Variants in IMMP2L observed in about 807,000 individuals in gnomAD.
IMMP2L encodes the protein mitochondrial inner membrane protease subunit 2.
In IMMP2L, 18 loss-of-function variants were observed where a neutral mutation model predicts 19.3. The observed-to-expected ratio is 0.93, with a 90% CI of 0.64 to 1.38. The LOEUF (loss-of-function observed/expected upper bound fraction) is 1.38. Among genes scored for constraint, IMMP2L ranks in the 40% most tolerant of loss-of-function variants. IMMP2L has a pLI of 0.00. For synonymous variants in IMMP2L, 76 were observed against 73.0 expected (o/e 1.04, Z -0.21); for missense variants, 233 against 218.2 (o/e 1.07, Z -0.43).
chr7:110,892,153 C>G (rs1237101604), intron 4 of IMMP2L, among the ~76,000 whole-genome samples: 1 of 152,104 alleles, frequency 6.6e-6, no homozygotes, highest in African/African-American at 2.4e-5. Flanking sequence ...CTGACGTTCC[C>G]TTATCTCCCT....
At chr7:111,053,152 A>G (rs1793154679) in intron 3 of IMMP2L, among the ~76,000 whole-genome samples, 1 of 152,244 alleles carries the variant, frequency 6.6e-6, no homozygotes, top group South Asian at 2.1e-4. Context: ...AAAAGGAAGG[A>G]AAGTACACTT....
intron 3 of IMMP2L, among the ~76,000 whole-genome samples, chr7:111,333,176 A>C (rs945997881): frequency 1.3e-5 from 2 of 152,166 alleles, no homozygotes; most frequent in African/African-American, 4.8e-5. Flanking sequence ...GGTAGTCATC[A>C]ATACCAGCAC....
At chr7:110,815,974 G>T (rs1316532604) in intron 5 of IMMP2L, among the ~76,000 whole-genome samples, 2 of 151,952 alleles carry the variant, frequency 1.3e-5, no homozygotes. Flanking sequence ...CTTCAGTTCT[G>T]CTCTGATCTT....
At chr7:111,300,293 C>T (rs908562362) in intron 3 of IMMP2L, among the ~76,000 whole-genome samples, 6 of 152,252 alleles carry the variant, frequency 3.9e-5, no homozygotes, top group South Asian at 2.1e-4. Context: ...AGTACAGACA[C>T]GGACCCCACC....
intron 5 of IMMP2L, among the ~76,000 whole-genome samples, chr7:110,883,126 T>A (rs149399374): frequency 9.2e-5 from 14 of 152,348 alleles, no homozygotes; most frequent in African/African-American, 3.4e-4. Flanking sequence ...TCTATGGAAT[T>A]TTAATATTCA....
At chr7:111,346,936 A>C (rs2130844455) in intron 3 of IMMP2L, among the ~76,000 whole-genome samples, 1 of 152,162 alleles carries the variant, frequency 6.6e-6, no homozygotes. Context: ...CCTAACTCAT[A>C]GAGATGCTGG....
At chr7:111,096,221 A>G (rs916327514) in intron 3 of IMMP2L, among the ~76,000 whole-genome samples, 1 of 151,904 alleles carries the variant, frequency 6.6e-6, no homozygotes, top group Non-Finnish European at 1.5e-5. Flanking sequence ...CATCTTTAAG[A>G]CAGGAGAATG....
chr7:111,455,558 A>T (rs1839608432), intron 3 of IMMP2L, among the ~76,000 whole-genome samples: 1 of 151,336 alleles, frequency 6.6e-6, no homozygotes, highest in Non-Finnish European at 1.5e-5. Flanking sequence ...ATATGAATGA[A>T]TCCAAAGCAC....
intron 3 of IMMP2L, among the ~76,000 whole-genome samples, chr7:111,053,641 AG>A (rs1383286602): frequency 2.0e-5 from 3 of 152,174 alleles, no homozygotes; most frequent in African/African-American, 4.8e-5. Flanking sequence ...GTGGGGGCTG[AG>A]GGAAGAGTCC....
At chr7:111,443,104 T>A (rs117749433) in intron 3 of IMMP2L, among the ~76,000 whole-genome samples, 1 of 151,928 alleles carries the variant, frequency 6.6e-6, no homozygotes, top group Non-Finnish European at 1.5e-5. Flanking sequence ...TACACACACA[T>A]AATAGCATAG....
chr7:111,229,337 T>C (rs183397329), intron 3 of IMMP2L, among the ~76,000 whole-genome samples: 11 of 152,208 alleles, frequency 7.2e-5, no homozygotes, highest in Non-Finnish European at 4.4e-5. Flanking sequence ...AAGTGATACG[T>C]ATGTATCCAT....
At chr7:111,328,344 A>C (rs1443632165) in intron 3 of IMMP2L, among the ~76,000 whole-genome samples, 1 of 151,814 alleles carries the variant, frequency 6.6e-6, no homozygotes, top group Non-Finnish European at 1.5e-5. Flanking sequence ...AATGAAATAC[A>C]TGGCAGCTAG....
At chr7:111,478,842 T>C (rs1841940923) in intron 3 of IMMP2L, among the ~76,000 whole-genome samples, 1 of 152,186 alleles carries the variant, frequency 6.6e-6, no homozygotes, top group African/African-American at 2.4e-5. Context: ...CTAATATGCA[T>C]GGTATAATTT....
chr7:111,046,449 A>T (rs1792401871), intron 3 of IMMP2L, among the ~76,000 whole-genome samples: 1 of 152,146 alleles, frequency 6.6e-6, no homozygotes, highest in Admixed American at 6.5e-5. Context: ...AGAAGTTTCC[A>T]GAACTGAATA....
At chr7:110,849,157 G>T (rs1387523993) in intron 5 of IMMP2L, among the ~76,000 whole-genome samples, 3 of 152,054 alleles carry the variant, frequency 2.0e-5, no homozygotes, top group Non-Finnish European at 4.4e-5. Context: ...AGAAGCTGGG[G>T]TATGTGTTTG....
chr7:111,268,737 G>A (rs1818125075), intron 3 of IMMP2L, among the ~76,000 whole-genome samples: 1 of 150,994 alleles, frequency 6.6e-6, no homozygotes, highest in East Asian at 1.9e-4. Context: ...GGGACCACAG[G>A]CGAGCACCAC....
At position 111,319,263 on chromosome 7, in the gene IMMP2L, G is replaced by A. The variant is rs550958757; in HGVS notation, c.239+167975C>T. Among the ~76,000 whole-genome samples, 3 of 152,176 alleles carry A rather than the reference G, an allele frequency of 2.0e-5. No individual in the cohort carries two copies. The South Asian group carries it at 6.2e-4, about 32-fold the overall frequency. ...AGCAATATAAAGCTGTGACCTTGAT[G>A]TTCTATATAGCTTAAAGACCATAGT... is the stretch of plus-strand genomic sequence containing the variant. On this transcript the variant is annotated intron_variant, in intron 3 of 5. Transcript: ENST00000405709.
chr7:111,498,438 T>A (rs376146470), intron 2 of IMMP2L, among the ~76,000 whole-genome samples: 1 of 152,188 alleles, frequency 6.6e-6, no homozygotes, highest in African/African-American at 2.4e-5. Context: ...ATGCGGAATC[T>A]TTAACTTCCT....
At chr7:111,277,820 T>C (rs1171094721) in intron 3 of IMMP2L, among the ~76,000 whole-genome samples, 1 of 152,114 alleles carries the variant, frequency 6.6e-6, no homozygotes, top group Non-Finnish European at 1.5e-5. Flanking sequence ...ATAGCAAAGC[T>C]ATGGAATCGA....
Sources: allele counts gnomAD v4.1 joint callset (sites outside exome capture counted in the v4.1 genomes callset), GRCh38; gene constraint gnomAD v4.1.1; transcripts MANE v1.5; gene names NCBI Gene and HGNC (gene_info 2026-07-23, HGNC 2026-07-21).